DLGAP4: variants seen among roughly 807,000 people sequenced by gnomAD.
DLGAP4 encodes the protein DLG associated protein 4, also known as disks large-associated protein 4.
In DLGAP4, 18 loss-of-function variants were observed where a neutral mutation model predicts 86.9. The ratio of observed to expected loss-of-function variants is 0.21; its 90% CI spans 0.14 to 0.31. The LOEUF (loss-of-function observed/expected upper bound fraction) is 0.31. Among genes scored for constraint, DLGAP4 ranks in the 10% least tolerant of loss-of-function variants. The pLI is 1.00. For synonymous variants in DLGAP4, 548 were observed against 574.3 expected, an observed-to-expected ratio of 0.95 and a Z score of 0.65; for missense variants, 1,085 against 1,362.6, an observed-to-expected ratio of 0.80 and a Z score of 3.21.
At chr20:36,341,166 C>G (rs1334910421) in intron 1 of DLGAP4, among the ~76,000 whole-genome samples, 1 of 152,212 alleles carries the variant, frequency 6.6e-6, no homozygotes, top group East Asian at 1.9e-4. Flanking sequence ...CCAGGCTGCT[C>G]CCCACCTCAG....
intron 2 of DLGAP4, among the ~76,000 whole-genome samples, chr20:36,408,043 A>C (rs2032376563): frequency 6.6e-6 from 1 of 151,976 alleles, no homozygotes; most frequent in Non-Finnish European, 1.5e-5. Context: ...GGAGCTCCAA[A>C]GGGCCCTTTG....
intron 7 of DLGAP4, among the ~76,000 whole-genome samples, chr20:36,483,285 A>G (rs777567093): frequency 5.3e-5 from 8 of 152,132 alleles, no homozygotes; most frequent in Non-Finnish European, 1.0e-4. Context: ...TGCTATTTGG[A>G]CATACTATTT....
chr20:36,479,739 T>G (rs1569514047), intron 7 of DLGAP4, among the ~76,000 whole-genome samples: 1 of 152,108 alleles, frequency 6.6e-6, no homozygotes, highest in Non-Finnish European at 1.5e-5. Context: ...CAGTGGTCCC[T>G]ACACTAAAAT....
At chr20:36,409,386 A>AT (rs1279865047) in intron 2 of DLGAP4, among the ~76,000 whole-genome samples, 1 of 144,954 alleles carries the variant, frequency 6.9e-6, no homozygotes, top group African/African-American at 2.5e-5. Context: ...AATAAAAAAA[A>AT]TTTTTTTAAG....
At position 36,528,597 on chromosome 20, in the gene DLGAP4, C is replaced by T. The variant is rs1272001675; in HGVS notation, c.*1566C>T. 6 of 152,786 alleles carry T rather than the reference C, an allele frequency of 3.9e-5. No individual in the cohort carries two copies. Among genetic ancestry groups the T allele is most frequent in the Non-Finnish European group, 7.3e-5 (5 of 68,132 alleles). 9.5% of individuals were successfully genotyped at this position (152,786 alleles called of 1,614,324 possible). ...GGACAGTCCCTGCCCCTCCCTACCT[C>T]ACAGGCATGTTGTGAGAATAAATGA... On this transcript the variant is annotated 3_prime_UTR_variant, in exon 13 of 13. Coordinates refer to ENST00000339266, the MANE Select transcript of DLGAP4 (RefSeq NM_001365621.2).
Position 36,393,950 on chromosome 20 carries a change from A to G in DLGAP4, c.-73+26675A>G, listed in dbSNP as rs1416681589. 6.6e-6 allele frequency among the ~76,000 whole-genome samples: 1 copy of G among 152,142 alleles called. No individual in the cohort carries two copies. Among genetic ancestry groups the G allele is most frequent in the African/African-American group, 2.4e-5 (1 of 41,430 alleles). ...GAATGCGCCCCAGGCCCTGCTGTAC[A>G]CACAGGGAGGTGGCCTTCACAGGGT... On this transcript the variant is annotated intron_variant, in intron 2 of 12. Transcript: ENST00000339266. The surrounding 1 kb of genome is among the most constrained non-coding windows in gnomAD (Gnocchi z 4.4).
chr20:36,357,452 G>A (rs781903393), intron 1 of DLGAP4, among the ~76,000 whole-genome samples: 7 of 152,180 alleles, frequency 4.6e-5, no homozygotes, highest in African/African-American at 7.2e-5. Context: ...GTGTTGGTTT[G>A]CAATACAATA....
chr20:36,527,095 AAC>A lies in DLGAP4; in HGVS notation c.*66_*67del. 2 of 1,465,094 alleles carry A rather than the reference AAC, an allele frequency of 1.4e-6. No homozygotes were observed. The highest frequency in any genetic ancestry group is 1.8e-6 in the Non-Finnish European group (2 of 1,089,358). The allele number at this position is 1,465,094 out of a possible 1,614,324, so 90.8% of individuals were successfully genotyped here. On this transcript the variant is annotated 3_prime_UTR_variant, in exon 13 of 13. Transcript: ENST00000339266. ...AAACACAAAAACTAAGTGCGAACGG[AAC>A]AGAGTTTTCTCAACCTTTGCTATGG...
intron 2 of DLGAP4, among the ~76,000 whole-genome samples, chr20:36,381,794 A>G (rs145833099): frequency 6.2e-4 from 95 of 152,202 alleles, no homozygotes; most frequent in African/African-American, 2.2e-3. Flanking sequence ...GGTGTCTCAT[A>G]AGCTCTTCTC....
intron 2 of DLGAP4, among the ~76,000 whole-genome samples, chr20:36,374,378 ACCAGAGTG>A (rs2031068594): frequency 6.6e-6 from 1 of 152,222 alleles, no homozygotes; most frequent in Non-Finnish European, 1.5e-5. Flanking sequence ...TGAGTAGCCA[ACCAGAGTG>A]CTGGAAGAAT....
At chr20:36,319,042 C>A (rs561144427) in intron 1 of DLGAP4, among the ~76,000 whole-genome samples, 11 of 151,642 alleles carry the variant, frequency 7.3e-5, no homozygotes, top group Admixed American at 1.3e-4. Flanking sequence ...ACTCAGGAGG[C>A]TGAGGCAGGA....
At chr20:36,364,980 A>C (rs2147409635) in intron 1 of DLGAP4, among the ~76,000 whole-genome samples, 1 of 152,328 alleles carries the variant, frequency 6.6e-6, no homozygotes, top group South Asian at 2.1e-4. Context: ...CTGTAGTCCC[A>C]GCTACTCAGG....
chr20:36,497,023 C>T lies in DLGAP4; in HGVS notation c.1967C>T (p.Pro656Leu). ...ACGCTGACCAGCTCTGAGTCCCACCCCGAGGCCGCCCCCAAAAGGAAACTG... is the reference window on the plus strand; with the variant it reads ...ACGCTGACCAGCTCTGAGTCCCACCTCGAGGCCGCCCCCAAAAGGAAACTG... ...QGTLTSSESHPEAAPKRKLSS... is the reference protein window; with the variant it reads ...QGTLTSSESHLEAAPKRKLSS... The change falls in exon 8 of 13, where the codon CCC (proline) becomes CTC (leucine). Residue 656 changes from proline (P) to leucine (L), a missense_variant. Pro to Leu is a moderately conservative substitution (Grantham distance 98). Coordinates refer to ENST00000339266, the MANE Select transcript of DLGAP4 (RefSeq NM_001365621.2). 2 of 1,610,680 alleles carry T rather than the reference C, an allele frequency of 1.2e-6. No homozygotes were observed. The highest frequency in any genetic ancestry group is 1.7e-6 in the Non-Finnish European group (2 of 1,177,648).
At chr20:36,334,752 G>C (rs2065304523) in intron 1 of DLGAP4, among the ~76,000 whole-genome samples, 1 of 152,134 alleles carries the variant, frequency 6.6e-6, no homozygotes, top group African/African-American at 2.4e-5. Context: ...GGGAGTTGGG[G>C]CTGCTGGAGA....
rs568732958 is a variant in DLGAP4, at chr20:36,470,077, A to G, written c.1648+23140A>G. On this transcript the variant is annotated intron_variant, in intron 7 of 12. Coordinates refer to ENST00000339266, the MANE Select transcript of DLGAP4 (RefSeq NM_001365621.2). ...CTCTGGCCCAGCCCCTTCCTTTCCC[A>G]TGAGTAGGAACTAAATCTCGGAGGA... Among the ~76,000 whole-genome samples, 91 of 152,208 alleles carry G rather than the reference A, an allele frequency of 6.0e-4. 1 individual carries two copies. The highest frequency in any genetic ancestry group is 2.0e-3 in the African/African-American group (81 of 41,534).
chr20:36,472,954 C>G (rs922566075), intron 7 of DLGAP4, among the ~76,000 whole-genome samples: 1 of 152,196 alleles, frequency 6.6e-6, no homozygotes, highest in Non-Finnish European at 1.5e-5. Flanking sequence ...CAGTGGCGTC[C>G]TGGCCTGGCC....
intron 8 of DLGAP4, chr20:36,499,154 C>A: frequency 1.5e-6 from 2 of 1,297,822 alleles, no homozygotes; most frequent in Middle Eastern, 1.9e-4. Flanking sequence ...TCAACTACAC[C>A]AGATAACGGC....
chr20:36,447,062 A>C (rs923131631), intron 7 of DLGAP4, 125 bp downstream of exon 7: 1 of 1,446,064 alleles, frequency 6.9e-7, no homozygotes, highest in African/African-American at 1.4e-5. Context: ...CACCAGGGGG[A>C]TGGTTGGGAG....
At chr20:36,452,940 C>T (rs1490967518) in intron 7 of DLGAP4, among the ~76,000 whole-genome samples, 1 of 146,316 alleles carries the variant, frequency 6.8e-6, no homozygotes, top group Non-Finnish European at 1.5e-5. Flanking sequence ...TCAAGCCATT[C>T]TCCTGCCTCA....
Sources: gnomAD v4.1 joint callset for allele counts (sites outside exome capture counted in the v4.1 genomes callset) on GRCh38, gnomAD v4.1.1 for gene constraint, Gnocchi (gnomAD v3.1) non-coding constraint, MANE v1.5 for transcripts, NCBI Gene and HGNC (gene_info 2026-07-23, HGNC 2026-07-21) for gene names.